Variants in ATXN1 observed in about 807,000 individuals in gnomAD.
ATXN1 encodes the protein ataxin 1.
A neutral mutation model predicts 56.4 loss-of-function variants in ATXN1; 8 were observed. The ratio of observed to expected loss-of-function variants is 0.14; its 90% CI spans 0.08 to 0.26. ATXN1 has a LOEUF of 0.26. Ranked by LOEUF, ATXN1 falls within the 10% of genes least tolerant of loss-of-function variation. ATXN1 has a pLI of 1.00. For missense variants in ATXN1, 987 were observed against 1,106.5 expected, an observed-to-expected ratio of 0.89 and a Z score of 1.53; for synonymous variants, 514 against 494.6, an observed-to-expected ratio of 1.04 and a Z score of -0.52.
At chr6:16,654,859 G>T (rs1054809176) in intron 3 of ATXN1, among the ~76,000 whole-genome samples, 1 of 152,118 alleles carries the variant, frequency 6.6e-6, no homozygotes, top group African/African-American at 2.4e-5. Context: ...AGATAACACT[G>T]TGTTTGCATT....
chr6:16,305,664 T>C lies in ATXN1; in HGVS notation c.*665A>G, dbSNP rs1348676122. The C allele has an allele frequency of 6.5e-6, 1 of 152,702 alleles. No homozygotes were observed. The highest frequency in any genetic ancestry group is 1.5e-5 in the Non-Finnish European group (1 of 68,056). The allele number at this position is 152,702 out of a possible 1,614,324, so 9.5% of individuals were successfully genotyped here. On this transcript the variant is annotated 3_prime_UTR_variant, in exon 8 of 8. Coordinates refer to ENST00000436367, the MANE Select transcript of ATXN1 (RefSeq NM_001128164.2). ...TATATATCAGTGCAGTCAGGCCCCATAGGGGGAAATATATATCTATACAAT... is the reference window on the plus strand; with the variant it reads ...TATATATCAGTGCAGTCAGGCCCCACAGGGGGAAATATATATCTATACAAT...
At chr6:16,533,173 G>A (rs1262634153) in intron 4 of ATXN1, among the ~76,000 whole-genome samples, 1 of 152,158 alleles carries the variant, frequency 6.6e-6, no homozygotes, top group Non-Finnish European at 1.5e-5. Context: ...TAATGCCACT[G>A]AACTGTACAC....
intron 6 of ATXN1, among the ~76,000 whole-genome samples, chr6:16,446,484 T>C (rs974762273): frequency 1.3e-5 from 2 of 152,254 alleles, no homozygotes; most frequent in Non-Finnish European, 1.5e-5. Flanking sequence ...GGGGCACTTC[T>C]CAAAATTGAA....
chr6:16,401,923 T>C (rs559375956), intron 6 of ATXN1, among the ~76,000 whole-genome samples: 5 of 152,338 alleles, frequency 3.3e-5, no homozygotes, highest in East Asian at 3.9e-4. Context: ...CAGTTCCACA[T>C]GGCTGAGGAA....
At chr6:16,432,713 C>CTTCTTT (rs1554146816) in intron 6 of ATXN1, 50 of 143,834 alleles carry the variant, frequency 3.5e-4, no homozygotes, top group African/African-American at 1.2e-3. Context: ...TCTTCTTCTT[C>CTTCTTT]TTTTTTTTTT....
intron 7 of ATXN1, among the ~76,000 whole-genome samples, chr6:16,313,851 C>CGCG (rs1561846479): frequency 6.6e-6 from 1 of 152,146 alleles, no homozygotes; most frequent in East Asian, 1.9e-4. Flanking sequence ...AGTGAGTCAC[C>CGCG]GCGCCCACCT....
At chr6:16,618,499 G>A (rs1763260623) in intron 3 of ATXN1, among the ~76,000 whole-genome samples, 1 of 152,196 alleles carries the variant, frequency 6.6e-6, no homozygotes, top group African/African-American at 2.4e-5. Context: ...GGGAGGCCGA[G>A]GCAGATGGAT....
intron 6 of ATXN1, among the ~76,000 whole-genome samples, chr6:16,384,127 G>T (rs1451716223): frequency 6.6e-6 from 1 of 152,196 alleles, no homozygotes; most frequent in Non-Finnish European, 1.5e-5. Context: ...CCACAGTTTG[G>T]ATGGCAAGAT....
At chr6:16,610,999 C>T (rs1180842848) in intron 3 of ATXN1, among the ~76,000 whole-genome samples, 1 of 152,084 alleles carries the variant, frequency 6.6e-6, no homozygotes, top group Admixed American at 6.6e-5. Flanking sequence ...CAGTGCACTC[C>T]AGGCTGCACC....
intron 6 of ATXN1, among the ~76,000 whole-genome samples, chr6:16,467,352 G>A (rs1007747143): frequency 5.3e-5 from 8 of 152,244 alleles, no homozygotes; most frequent in African/African-American, 1.2e-4. Flanking sequence ...AGCATGAAGC[G>A]TGGTTATTCT....
chr6:16,729,639 C>T (rs1169541282), intron 2 of ATXN1, among the ~76,000 whole-genome samples: 1 of 152,194 alleles, frequency 6.6e-6, no homozygotes, highest in Non-Finnish European at 1.5e-5. Flanking sequence ...AGCCATCCAA[C>T]CCTCATGGAG....
intron 6 of ATXN1, among the ~76,000 whole-genome samples, chr6:16,413,019 T>A (rs1170818560): frequency 2.6e-5 from 4 of 152,174 alleles, no homozygotes; most frequent in Non-Finnish European, 5.9e-5. Context: ...GAGGTCTCTA[T>A]CTATTCACAA....
At chr6:16,458,358 C>T (rs1759921985) in intron 6 of ATXN1, among the ~76,000 whole-genome samples, 1 of 152,138 alleles carries the variant, frequency 6.6e-6, no homozygotes, top group Non-Finnish European at 1.5e-5. Context: ...GAAGAAAATC[C>T]TACTGCCTTC....
chr6:16,386,760 G>A (rs577731024), intron 6 of ATXN1, among the ~76,000 whole-genome samples: 10 of 151,244 alleles, frequency 6.6e-5, no homozygotes, highest in African/African-American at 2.2e-4. Flanking sequence ...AGAAATGAGC[G>A]TAACTCCTTG....
intron 3 of ATXN1, among the ~76,000 whole-genome samples, chr6:16,634,879 G>A (rs1763566143): frequency 6.6e-6 from 1 of 152,100 alleles, no homozygotes; most frequent in African/African-American, 2.4e-5. Flanking sequence ...AATGTCTGTA[G>A]CTTTCATTAC....
chr6:16,390,298 G>C (rs1332061717), intron 6 of ATXN1, among the ~76,000 whole-genome samples: 1 of 152,106 alleles, frequency 6.6e-6, no homozygotes, highest in African/African-American at 2.4e-5. Flanking sequence ...TTCAGTATCT[G>C]TTGTCCTATC....
At chr6:16,503,518 C>A (rs1484932689) in intron 5 of ATXN1, among the ~76,000 whole-genome samples, 1 of 152,198 alleles carries the variant, frequency 6.6e-6, no homozygotes, top group Non-Finnish European at 1.5e-5. Flanking sequence ...CACAACTCTG[C>A]ACAGCTGGAC....
At chr6:16,643,881 G>C (rs1295965646) in intron 3 of ATXN1, among the ~76,000 whole-genome samples, 1 of 152,072 alleles carries the variant, frequency 6.6e-6, no homozygotes, top group Non-Finnish European at 1.5e-5. Flanking sequence ...CCCAGTTTCT[G>C]AAATTAGAAT....
intron 3 of ATXN1, among the ~76,000 whole-genome samples, chr6:16,609,138 C>T (rs1763061161): frequency 6.6e-6 from 1 of 152,194 alleles, no homozygotes; most frequent in Non-Finnish European, 1.5e-5. Flanking sequence ...GGTGGCACAG[C>T]ACTGTGAGAA....
Sources: allele counts gnomAD v4.1 joint callset (sites outside exome capture counted in the v4.1 genomes callset), GRCh38; gene constraint gnomAD v4.1.1; transcripts MANE v1.5; gene names NCBI Gene and HGNC (gene_info 2026-07-23, HGNC 2026-07-21).